The following WRAP53 variants were observed in gnomAD, a reference collection of about 807,000 sequenced individuals.
The protein encoded by WRAP53 is WD repeat containing antisense to TP53, also known as telomerase Cajal body protein 1.
WRAP53 carries 28 observed loss-of-function variants against 56.6 expected under a neutral mutation model. The ratio of observed to expected loss-of-function variants is 0.50; its 90% confidence interval spans 0.37 to 0.68. The LOEUF (loss-of-function observed/expected upper bound fraction) is 0.68, where lower values mean the gene tolerates loss of function less well. WRAP53 is among the 30% of genes least tolerant of loss of function. The pLI is 0.00. For missense variants in WRAP53, 671 were observed against 715.5 expected (o/e 0.94, Z 0.71); for synonymous variants, 283 against 283.4 (o/e 1.00, Z 0.01).
At chr17:7,693,717 C>CA (rs965304612) in intron 4 of WRAP53, among the ~76,000 whole-genome samples, 28 of 148,958 alleles carry the variant, frequency 1.9e-4, no homozygotes, top group Non-Finnish European at 3.3e-4. Context: ...GACTTAGTCT[C>CA]AAAAAAAAAT....
At chr17:7,703,156 G>A (rs1402339695) in intron 10 of WRAP53, 29 bp downstream of exon 10, 2 of 1,613,882 alleles carry the variant, frequency 1.2e-6, no homozygotes, top group South Asian at 1.1e-5. Context: ...GAGATGTTGG[G>A]GCTTGGGTTG....
rs1303288126 is a variant in WRAP53 at position 7,702,250 on chromosome 17, A to C, written c.956-94A>C. On this transcript the variant is annotated intron_variant, in intron 7 of 10. Transcript: ENST00000396463. The surrounding 1 kb of genome is among the most constrained non-coding windows in gnomAD (Gnocchi z 5.0). ...CATGGGGGGGATGTTGAGTCCAAGC[A>C]TGTTGGTGCTGGGACGGGAGACAGA... The C allele has an allele frequency of 7.4e-7, 1 of 1,348,928 alleles. No homozygotes were observed. The highest frequency in any genetic ancestry group is 1.1e-6 in the Non-Finnish European group (1 of 943,120). 83.6% of individuals were successfully genotyped at this position (1,348,928 alleles called of 1,614,324 possible). A position where few individuals can be genotyped will look rare whatever the true frequency, so the allele number is the denominator to read the frequency against.
chr17:7,702,644 G>T lies in WRAP53; in HGVS notation c.1164+92G>T. The T allele has an allele frequency of 6.3e-7, 1 of 1,597,058 alleles. No individual in the cohort carries two copies. Among genetic ancestry groups the T allele is most frequent in the Non-Finnish European group, 8.5e-7 (1 of 1,174,974 alleles). ...AGTGTAGGGGAATGGGTGGGGATGG[G>T]GAAAAAATCCCAAGCTGAAGGAGTG... is the stretch of plus-strand genomic sequence containing the variant. On this transcript the variant is annotated intron_variant, in intron 8 of 10. Coordinates refer to ENST00000396463, the MANE Select transcript of WRAP53 (RefSeq NM_001143992.2). This position sits in a 1 kb window ranked among gnomAD's most constrained non-coding sequence, Gnocchi z 5.0.
chr17:7,696,657 G>A (rs1376101515), intron 4 of WRAP53, among the ~76,000 whole-genome samples: 1 of 152,094 alleles, frequency 6.6e-6, no homozygotes, highest in East Asian at 1.9e-4. Flanking sequence ...AGGTGGGTCG[G>A]GGGTAGCACG....
Position 7,700,820 on chromosome 17 carries a change from A to G in WRAP53, c.722A>G (p.Asp241Gly). The G allele has an allele frequency of 6.2e-7, 1 of 1,611,636 alleles. No homozygotes were observed. The highest frequency in any genetic ancestry group is 8.5e-7 in the Non-Finnish European group (1 of 1,178,022). ...WYSLMSSAQP[D>G]TSYVASSSRE... Reference sequence around the variant, plus strand: ...TCTCTGATGTCCTCAGCCCAGCCAGACACCTCCTAGTAAGTAATGTTTGCC... The same window carrying G: ...TCTCTGATGTCCTCAGCCCAGCCAGGCACCTCCTAGTAAGTAATGTTTGCC... Residue 241 changes from aspartate to glycine, a missense_variant, in exon 5 of 11, where the codon GAC (aspartate) becomes GGC (glycine). This residue lies in a region of WRAP53 where 406 missense variants were observed against 418.5 expected (regional missense o/e 0.97). Coordinates refer to ENST00000396463, the MANE Select transcript of WRAP53 (RefSeq NM_001143992.2).
chr17:7,699,736 GT>G (rs1469633680), intron 4 of WRAP53, among the ~76,000 whole-genome samples: 5 of 149,484 alleles, frequency 3.3e-5, no homozygotes, highest in Non-Finnish European at 7.4e-5. Context: ...AGGTTTTTTT[GT>G]TTCCATTTTT....
intron 4 of WRAP53, among the ~76,000 whole-genome samples, chr17:7,698,569 A>C (rs577744086): frequency 2.6e-5 from 4 of 152,066 alleles, no homozygotes; most frequent in Admixed American, 6.6e-5. Context: ...TTTCTACAAA[A>C]AAATAATTTT....
At chr17:7,688,335 T>C (rs1057516027), upstream of WRAP53, 3 of 442,732 alleles carry the variant, frequency 6.8e-6, no homozygotes, top group Non-Finnish European at 1.2e-5. Context: ...ACGGGAAACC[T>C]TCTAACCTTT....
rs1461940087 is a variant in WRAP53, at chr17:7,702,474, G to A, written c.1086G>A (p.Leu362=). 6.2e-7 allele frequency: 1 copy of A among 1,613,910 alleles called. No homozygotes were observed. The highest frequency in any genetic ancestry group is 1.1e-5 in the South Asian group (1 of 91,084). The change falls in exon 8 of 11, where the codon TTG becomes TTA. Residue 362 remains leucine (L), a synonymous_variant. Coordinates refer to ENST00000396463, the MANE Select transcript of WRAP53 (RefSeq NM_001143992.2). This position sits in a 1 kb window ranked among gnomAD's most constrained non-coding sequence, Gnocchi z 5.0. ...GGGATGATGGCTCCCCTCTCGCCTT[G>A]CTGGGAGGGCACCAAGGGGGCATCA... ...YAWDDGSPLA[L]LGGHQGGITH...
chr17:7,702,565 C>T lies in WRAP53; in HGVS notation c.1164+13C>T, dbSNP rs1271060219. The T allele has an allele frequency of 6.2e-7, 1 of 1,604,400 alleles. No homozygotes were observed. ...AGGAGCCCGCAAGGTAGGGGTCACA[C>T]CCTGAGAGCCCAAAGCAGCTGGGCA... is the stretch of plus-strand genomic sequence containing the variant. On this transcript the variant is annotated intron_variant, in intron 8 of 10. Transcript: ENST00000396463. The surrounding 1 kb of genome is among the most constrained non-coding windows in gnomAD (Gnocchi z 5.0).
At position 7,689,301 on chromosome 17, in the gene WRAP53, A is replaced by G; in HGVS notation, c.509A>G (p.Asn170Ser). 1 of 1,613,900 alleles carries G rather than the reference A, an allele frequency of 6.2e-7. No individual in the cohort carries two copies. The highest frequency in any genetic ancestry group is 8.5e-7 in the Non-Finnish European group (1 of 1,179,982). The change falls in exon 3 of 11, where the codon AAC becomes AGC. Residue 170 changes from asparagine (N) to serine (S), a missense_variant. By Grantham distance (46) the Asn-to-Ser change is conservative (BLOSUM62 1). Transcript: ENST00000396463. ...SWSEFSTQPE[N>S]FLKGCKWAPD... ...TCAGAGTTCAGCACCCAACCTGAGA[A>G]CTTCTTGAAAGGCTGTAAGTGGTAA... is the stretch of plus-strand genomic sequence containing the variant.
chr17:7,687,691 A>G (rs1597401242), upstream of WRAP53: 4 of 398,024 alleles, frequency 1.0e-5, no homozygotes, highest in South Asian at 4.2e-4. Flanking sequence ...CTGGTGCCGT[A>G]GATACTAACA....
chr17:7,703,285 G>C lies in WRAP53; in HGVS notation c.1446G>C (p.Gln482His). The part of the protein sequence containing the change: ...SLPLLATASG[Q>H]RVFPEPTESG... ...CTCTCCTGGCCACTGCCTCCGGTCA[G>C]CGTGTGTTTCCTGAGCCCACAGAGA... Residue 482 changes from glutamine to histidine, a missense_variant, in exon 11 of 11, where the codon CAG (glutamine) becomes CAC (histidine). Gln to His is a conservative substitution (Grantham distance 24). Coordinates refer to ENST00000396463, the MANE Select transcript of WRAP53 (RefSeq NM_001143992.2). 6.2e-7 allele frequency: 1 copy of C among 1,613,910 alleles called. No homozygotes were observed. Among genetic ancestry groups the C allele is most frequent in the Middle Eastern group, 1.6e-4 (1 of 6,062 alleles).
At chr17:7,691,455 T>C (rs1597407291) in intron 4 of WRAP53, among the ~76,000 whole-genome samples, 1 of 148,530 alleles carries the variant, frequency 6.7e-6, no homozygotes, top group Non-Finnish European at 1.5e-5. Flanking sequence ...AATGGCGTGA[T>C]CTCGGCTCAC....
In WRAP53 at chr17:7,700,048, T is replaced by G. The variant is rs114107784; in HGVS notation, c.643-693T>G. Among the ~76,000 whole-genome samples, 652 of 151,840 alleles carry G rather than the reference T, an allele frequency of 4.3e-3. 5 individuals are homozygous for G. Among genetic ancestry groups the G allele is most frequent in the African/African-American group, 0.015 (621 of 41,442 alleles). ...GTGCTCAGCCGATAATTTTTTTCTT[T>G]TCTTTTTCTTTTTTTTTTGGGGGGC... On this transcript the variant is annotated intron_variant, in intron 4 of 10. Transcript: ENST00000396463.
chr17:7,696,864 G>A (rs1457199327), intron 4 of WRAP53, among the ~76,000 whole-genome samples: 2 of 152,158 alleles, frequency 1.3e-5, no homozygotes, highest in East Asian at 1.9e-4. Context: ...TGAGTTTGAG[G>A]AACCTGTGGG....
rs2074286026 is a variant in WRAP53, at chr17:7,702,341, T to C, written c.956-3T>C. The C allele has an allele frequency of 2.5e-6, 4 of 1,614,064 alleles. No individual in the cohort carries two copies. In the African/African-American group the frequency reaches 5.3e-5, roughly 22 times the overall value. On this transcript the variant is annotated splice_polypyrimidine_tract_variant and splice_region_variant and intron_variant, in intron 7 of 10. Transcript: ENST00000396463. This position sits in a 1 kb window ranked among gnomAD's most constrained non-coding sequence, Gnocchi z 5.0. ...TCCCCCACTTTGTTCCTTCCCTCTC[T>C]AGCAAAAAAGCAGGGCCAGAGCGGC...
rs1463383810 is a variant in WRAP53, at chr17:7,689,600, G to A, written c.541G>A (p.Gly181Ser). The A allele has an allele frequency of 5.0e-6, 8 of 1,614,038 alleles. No homozygotes were observed. The highest frequency in any genetic ancestry group is 6.8e-6 in the Non-Finnish European group (8 of 1,179,990). Residue 181 changes from glycine to serine, a missense_variant, in exon 4 of 11, where the codon GGT becomes AGT. Coordinates refer to ENST00000396463, the MANE Select transcript of WRAP53 (RefSeq NM_001143992.2). ...FLKGCKWAPD[G>S]SCILTNSADN... ...CTCCCCTGTTTCTAGGGCTCCTGACGGTTCCTGCATCTTGACCAATAGTGC... is the reference window on the plus strand; with the variant it reads ...CTCCCCTGTTTCTAGGGCTCCTGACAGTTCCTGCATCTTGACCAATAGTGC...
At chr17:7,699,475 TTTATATATA>T (rs1567577368) in intron 4 of WRAP53, among the ~76,000 whole-genome samples, 215 of 9,054 alleles carry the variant, frequency 0.024, 6 homozygotes, top group African/African-American at 0.13. Context: ...TATATATATA[TTTATATATA>T]TATATATATA....
Sources: gnomAD v4.1 joint callset for allele counts (sites outside exome capture counted in the v4.1 genomes callset) on GRCh38, gnomAD v4.1.1 for gene constraint, gnomAD v4.1.1 regional missense constraint, Gnocchi (gnomAD v3.1) non-coding constraint, MANE v1.5 for transcripts, NCBI Gene and HGNC (gene_info 2026-07-23, HGNC 2026-07-21) for gene names.